The following TAF3 variants were observed in gnomAD, a reference collection of about 807,000 sequenced individuals.
TAF3 encodes the protein TATA-box binding protein associated factor 3, also known as transcription initiation factor TFIID subunit 3.
A neutral mutation model predicts 80.6 loss-of-function variants in TAF3; 7 were observed. That is an observed-to-expected ratio of 0.09 (90% confidence interval 0.05 to 0.16). The LOEUF is 0.16. Ranked by LOEUF, TAF3 falls within the 10% of genes least tolerant of loss-of-function variation. The probability of loss-of-function intolerance (pLI) is 1.00; values close to 1 mark genes in which losing one functional copy is unlikely to be tolerated. For synonymous variants in TAF3, 444 were observed against 446.1 expected (o/e 1.00, Z 0.06); for missense variants, 921 against 1,140.2 (o/e 0.81, Z 2.77).
Position 7,888,918 on chromosome 10 carries a change from C to T in TAF3, c.409+64358C>T, listed in dbSNP as rs189546798. ...ACTGTTGGTGTATGCACACTTCCTC[C>T]GGTGTATATTGTGTCTTGAGAGATT... On this transcript the variant is annotated intron_variant, in intron 2 of 6. Transcript: ENST00000344293. Among the ~76,000 whole-genome samples the T allele has an allele frequency of 1.3e-3, 197 of 152,242 alleles. 2 individuals carry two copies. Among genetic ancestry groups the T allele is most frequent in the Admixed American group, 1.4e-3 (22 of 15,294 alleles).
At chr10:7,940,142 G>A (rs1300691322) in intron 2 of TAF3, among the ~76,000 whole-genome samples, 1 of 152,104 alleles carries the variant, frequency 6.6e-6, no homozygotes, top group East Asian at 1.9e-4. Context: ...GTTAGAAGAT[G>A]GTAGTACATA....
chr10:7,906,220 C>A (rs897444416), intron 2 of TAF3, among the ~76,000 whole-genome samples: 1 of 152,128 alleles, frequency 6.6e-6, no homozygotes, highest in African/African-American at 2.4e-5. Flanking sequence ...AGTGTCTTAT[C>A]TTTAATTTCA....
intron 2 of TAF3, among the ~76,000 whole-genome samples, chr10:7,891,662 A>T (rs185156016): frequency 6.6e-5 from 10 of 152,336 alleles, no homozygotes; most frequent in Middle Eastern, 6.8e-3. Flanking sequence ...TTATGGTATA[A>T]GGCAGCTAAT....
intron 5 of TAF3, among the ~76,000 whole-genome samples, chr10:8,012,500 C>T (rs1295616962): frequency 2.6e-5 from 4 of 152,202 alleles, no homozygotes; most frequent in African/African-American, 4.8e-5. Flanking sequence ...CACAGAGTCA[C>T]GGCCTTCTGA....
chr10:7,979,072 C>T (rs529959770), intron 4 of TAF3, among the ~76,000 whole-genome samples: 15 of 151,314 alleles, frequency 9.9e-5, no homozygotes, highest in Admixed American at 3.3e-4. Flanking sequence ...CAGCCAGATG[C>T]GGTGGCTCAC....
At chr10:7,829,157 T>A (rs575412597) in intron 2 of TAF3, among the ~76,000 whole-genome samples, 1 of 152,178 alleles carries the variant, frequency 6.6e-6, no homozygotes, top group Non-Finnish European at 1.5e-5. Flanking sequence ...AGAGTTTCTA[T>A]TTTTTAAAAT....
At chr10:7,820,096 T>C (rs1361571302) in intron 1 of TAF3, among the ~76,000 whole-genome samples, 1 of 152,246 alleles carries the variant, frequency 6.6e-6, no homozygotes, top group Non-Finnish European at 1.5e-5. Context: ...TTTTCCAAAA[T>C]GTTTTAAGCT....
intron 4 of TAF3, among the ~76,000 whole-genome samples, chr10:7,977,766 A>G (rs981586511): frequency 2.0e-5 from 3 of 152,218 alleles, no homozygotes; most frequent in African/African-American, 7.2e-5. Flanking sequence ...CTGTACCTGT[A>G]AAACAAAGAA....
rs1311521715 is a variant in TAF3, at chr10:8,016,055, T to C, written c.*1304T>C. On this transcript the variant is annotated 3_prime_UTR_variant, in exon 7 of 7. Coordinates refer to ENST00000344293, the MANE Select transcript of TAF3 (RefSeq NM_031923.4). The stretch of plus-strand genomic sequence containing the variant: ...ATTATACTGCCCACTATTTATTATA[T>C]GTTATAGATGTCTGAGAGGTAAACC... The C allele has an allele frequency of 6.6e-6, 1 of 152,184 alleles. No individual in the cohort carries two copies. The highest frequency in any genetic ancestry group is 2.4e-5 in the African/African-American group (1 of 41,454). 9.4% of individuals were successfully genotyped at this position (152,184 alleles called of 1,614,324 possible).
intron 2 of TAF3, among the ~76,000 whole-genome samples, chr10:7,942,183 A>G (rs750253091): frequency 1.3e-5 from 2 of 152,196 alleles, no homozygotes; most frequent in South Asian, 4.1e-4. Context: ...AGCCAGGGAA[A>G]AGGAGAGTCA....
intron 4 of TAF3, among the ~76,000 whole-genome samples, chr10:8,002,572 C>G (rs115546829): frequency 1.2e-4 from 18 of 152,272 alleles, no homozygotes; most frequent in African/African-American, 4.1e-4. Context: ...AATCTGTGTA[C>G]AAACTATTCA....
At chr10:7,824,996 C>A (rs1309014704) in intron 2 of TAF3, among the ~76,000 whole-genome samples, 1 of 152,180 alleles carries the variant, frequency 6.6e-6, no homozygotes, top group Non-Finnish European at 1.5e-5. Flanking sequence ...TATTCAGTGA[C>A]ATTGTGTAGA....
At chr10:7,834,550 G>T (rs76874042) in intron 2 of TAF3, among the ~76,000 whole-genome samples, 3,352 of 152,154 alleles carry the variant, frequency 0.022, 67 homozygotes, top group South Asian at 0.085. Context: ...TTATATACAT[G>T]TAGATGTGTG....
Position 7,985,170 on chromosome 10 carries a change from A to G in TAF3, c.2315+7847A>G, listed in dbSNP as rs1831763854. ...CACAGTCTTTTTTAATGTGGTAGCC[A>G]CAAGTCTCAGCATGTGGAACTGCCT... On this transcript the variant is annotated intron_variant, in intron 4 of 6. Coordinates refer to ENST00000344293, the MANE Select transcript of TAF3 (RefSeq NM_031923.4). 3.3e-5 allele frequency among the ~76,000 whole-genome samples: 5 copies of G among 152,216 alleles called. No homozygotes were observed. In the South Asian group the frequency reaches 1.0e-3, roughly 32 times the overall value.
At chr10:7,930,087 A>G (rs1443203683) in intron 2 of TAF3, among the ~76,000 whole-genome samples, 1 of 152,146 alleles carries the variant, frequency 6.6e-6, no homozygotes, top group Non-Finnish European at 1.5e-5. Flanking sequence ...GGTCTCAGCT[A>G]CTTAGGAGCC....
chr10:7,990,486 A>G (rs994794362), intron 4 of TAF3, among the ~76,000 whole-genome samples: 1 of 152,162 alleles, frequency 6.6e-6, no homozygotes, highest in Non-Finnish European at 1.5e-5. Context: ...ATTTTGAATG[A>G]CCGCTACATC....
At chr10:7,834,605 G>C (rs1836833451) in intron 2 of TAF3, among the ~76,000 whole-genome samples, 2 of 151,886 alleles carry the variant, frequency 1.3e-5, no homozygotes, top group African/African-American at 4.8e-5. Context: ...AGTTCATGCA[G>C]ATTTTCCAAT....
chr10:7,940,546 C>T (rs1050207040), intron 2 of TAF3, among the ~76,000 whole-genome samples: 17 of 152,154 alleles, frequency 1.1e-4, no homozygotes, highest in Non-Finnish European at 2.5e-4. Context: ...TAGAAACAGC[C>T]GTGGAGATTT....
intron 2 of TAF3, among the ~76,000 whole-genome samples, chr10:7,883,609 C>A (rs1390860081): frequency 6.6e-6 from 1 of 152,196 alleles, no homozygotes; most frequent in African/African-American, 2.4e-5. Flanking sequence ...GATCTTTACT[C>A]ATATTAATTA....
Sources: gnomAD v4.1 joint callset for allele counts (sites outside exome capture counted in the v4.1 genomes callset) on GRCh38, gnomAD v4.1.1 for gene constraint, MANE v1.5 for transcripts, NCBI Gene and HGNC (gene_info 2026-07-23, HGNC 2026-07-21) for gene names.